PID1: variants seen among roughly 807,000 people sequenced by gnomAD.
PID1 encodes phosphotyrosine interaction domain containing 1, also known as PTB-containing, cubilin and LRP1-interacting protein.
In PID1, 10 loss-of-function variants were observed where a neutral mutation model predicts 19.1. That is an observed-to-expected ratio of 0.52 (90% CI 0.32 to 0.89). PID1 has a LOEUF of 0.89. PID1 is among the 40% of genes least tolerant of loss of function. PID1 has a pLI of 0.03. For synonymous variants in PID1, 130 were observed against 116.0 expected, an observed-to-expected ratio of 1.12 and a Z score of -0.78; for missense variants, 248 against 285.3, an observed-to-expected ratio of 0.87 and a Z score of 0.94.
chr2:229,063,108 T>C lies in PID1; in HGVS notation c.178-37000A>G, dbSNP rs541668860. ...CTGACCTTTTCTATTGTCTGTCTAA[T>C]ATCTATTACATTTATTTCTGCTCTT... On this transcript the variant is annotated intron_variant, in intron 2 of 2. Coordinates refer to ENST00000392055, the MANE Select transcript of PID1 (RefSeq NM_001100818.2). 4.7e-4 allele frequency among the ~76,000 whole-genome samples: 72 copies of C among 152,198 alleles called. No individual in the cohort carries two copies. The South Asian group carries it at 0.015, about 31-fold the overall frequency.
At chr2:229,065,868 C>T (rs997367769) in intron 2 of PID1, among the ~76,000 whole-genome samples, 1 of 152,170 alleles carries the variant, frequency 6.6e-6, no homozygotes, top group African/African-American at 2.4e-5. Context: ...CAAATGGATT[C>T]GCCAGTAGTG....
chr2:229,099,424 G>GA (rs1695033729), intron 2 of PID1, among the ~76,000 whole-genome samples: 1 of 152,168 alleles, frequency 6.6e-6, no homozygotes, highest in Admixed American at 6.5e-5. Context: ...CTCAGTACCA[G>GA]AAGGCAGGGC....
intron 1 of PID1, among the ~76,000 whole-genome samples, chr2:229,207,360 A>G (rs1313559924): frequency 6.6e-5 from 10 of 151,900 alleles, no homozygotes; most frequent in Admixed American, 6.6e-4. Flanking sequence ...GATCTGTAAA[A>G]TGGGAACTGA....
intron 2 of PID1, among the ~76,000 whole-genome samples, chr2:229,087,389 C>T (rs115537500): frequency 0.011 from 1,679 of 152,214 alleles, 14 homozygotes; most frequent in Non-Finnish European, 0.016. Flanking sequence ...CAGGCAACAC[C>T]AATCTATGCT....
intron 1 of PID1, among the ~76,000 whole-genome samples, chr2:229,208,633 CTT>C (rs768691751): frequency 2.2e-4 from 34 of 152,196 alleles, no homozygotes; most frequent in Non-Finnish European, 3.7e-4. Flanking sequence ...CTGCCTTCCT[CTT>C]TGTCTTCTTT....
At chr2:229,106,210 T>A (rs1695177430) in intron 2 of PID1, among the ~76,000 whole-genome samples, 1 of 152,080 alleles carries the variant, frequency 6.6e-6, no homozygotes, top group South Asian at 2.1e-4. Flanking sequence ...TTTGGAAAGA[T>A]TAAACAAAAA....
chr2:229,037,106 G>A (rs1352491254), intron 2 of PID1, among the ~76,000 whole-genome samples: 1 of 152,072 alleles, frequency 6.6e-6, no homozygotes, highest in African/African-American at 2.4e-5. Flanking sequence ...CCTTGGTTGG[G>A]AGATATTTAT....
In PID1 at chr2:229,183,996, CCCA is replaced by C. The variant is rs1251731681; in HGVS notation, c.31-28035_31-28033del. Among the ~76,000 whole-genome samples, 14 of 56,046 alleles carry C rather than the reference CCCA, an allele frequency of 2.5e-4. 2 individuals are homozygous for C. Among genetic ancestry groups the C allele is most frequent in the South Asian group, 2.0e-3 (2 of 1,002 alleles). The allele number at this position is 56,046 out of a possible 152,430, so 36.8% of individuals were successfully genotyped here. On this transcript the variant is annotated intron_variant, in intron 1 of 2. Coordinates refer to ENST00000392055, the MANE Select transcript of PID1 (RefSeq NM_001100818.2). ...ATATATCCCATATGTATGTATATATCCCATATATATATCCCATATGTATGTATA... is the reference window on the plus strand; with the variant it reads ...ATATATCCCATATGTATGTATATATCTATATATATCCCATATGTATGTATA...
chr2:229,046,511 G>C (rs1241964542), intron 2 of PID1, among the ~76,000 whole-genome samples: 1 of 151,632 alleles, frequency 6.6e-6, no homozygotes, highest in African/African-American at 2.4e-5. Flanking sequence ...AATAAACTTG[G>C]CTAGATCTTA....
At chr2:229,076,054 C>T (rs1332719725) in intron 2 of PID1, among the ~76,000 whole-genome samples, 1 of 152,158 alleles carries the variant, frequency 6.6e-6, no homozygotes, top group Non-Finnish European at 1.5e-5. Context: ...CCATAGACTA[C>T]CTAATATTCA....
At chr2:229,145,122 C>A (rs1356050588) in intron 2 of PID1, among the ~76,000 whole-genome samples, 1 of 140,062 alleles carries the variant, frequency 7.1e-6, no homozygotes, top group Non-Finnish European at 1.5e-5. Flanking sequence ...ATAAGAATGA[C>A]ATAACGAATG....
At chr2:229,106,821 A>G (rs977001658) in intron 2 of PID1, among the ~76,000 whole-genome samples, 1 of 152,194 alleles carries the variant, frequency 6.6e-6, no homozygotes, top group Admixed American at 6.5e-5. Context: ...TGGATCCATT[A>G]TGGATTCAAG....
chr2:229,112,833 C>T (rs1695325972), intron 2 of PID1, among the ~76,000 whole-genome samples: 2 of 152,010 alleles, frequency 1.3e-5, no homozygotes, highest in Non-Finnish European at 2.9e-5. Context: ...CTCTGAAAAC[C>T]CTACACCTGA....
intron 1 of PID1, among the ~76,000 whole-genome samples, chr2:229,267,947 G>T (rs575781644): frequency 6.6e-6 from 1 of 152,108 alleles, no homozygotes; most frequent in South Asian, 2.1e-4. Context: ...AAAGTCTGCT[G>T]TGCAGACGGG....
At chr2:229,237,026 T>G (rs907616264) in intron 1 of PID1, among the ~76,000 whole-genome samples, 3 of 138,416 alleles carry the variant, frequency 2.2e-5, no homozygotes, top group African/African-American at 8.1e-5. Flanking sequence ...ACACACACAC[T>G]GACTTCTAAT....
intron 2 of PID1, among the ~76,000 whole-genome samples, chr2:229,098,340 G>C (rs1203815902): frequency 1.3e-5 from 2 of 152,206 alleles, no homozygotes; most frequent in African/African-American, 2.4e-5. Context: ...AAAAGGAGGG[G>C]AAAGGAATAT....
intron 1 of PID1, among the ~76,000 whole-genome samples, chr2:229,163,646 A>AGTGTGTGTGT (rs781261716): frequency 7.3e-6 from 1 of 136,898 alleles, no homozygotes; most frequent in African/African-American, 2.6e-5. Flanking sequence ...AGGGAGAGAG[A>AGTGTGTGTGT]GAGAGTGTGT....
chr2:229,228,892 A>C (rs1339527200), intron 1 of PID1, among the ~76,000 whole-genome samples: 1 of 152,222 alleles, frequency 6.6e-6, no homozygotes, highest in Non-Finnish European at 1.5e-5. Flanking sequence ...GCCTGTGAAA[A>C]ATACAGTTCT....
At chr2:229,066,951 T>A (rs1287051318) in intron 2 of PID1, among the ~76,000 whole-genome samples, 1 of 152,096 alleles carries the variant, frequency 6.6e-6, no homozygotes, top group Non-Finnish European at 1.5e-5. Context: ...ATCGTTACTA[T>A]CTTAGACTGT....
Sources: gnomAD v4.1 joint callset for allele counts (sites outside exome capture counted in the v4.1 genomes callset) on GRCh38, gnomAD v4.1.1 for gene constraint, MANE v1.5 for transcripts, NCBI Gene and HGNC (gene_info 2026-07-23, HGNC 2026-07-21) for gene names.